PHF12: variants seen among roughly 807,000 people sequenced by gnomAD.
PHF12 encodes PHD finger protein 12.
A neutral mutation model predicts 99.8 loss-of-function variants in PHF12; 6 were observed. The ratio of observed to expected loss-of-function variants is 0.06; its 90% confidence interval spans 0.03 to 0.12. The LOEUF (loss-of-function observed/expected upper bound fraction) is 0.12. PHF12 is among the 10% of genes least tolerant of loss of function. PHF12 has a pLI of 1.00. For missense variants in PHF12, 954 were observed against 1,300.1 expected, an observed-to-expected ratio of 0.73 and a Z score of 4.09; for synonymous variants, 480 against 514.9, an observed-to-expected ratio of 0.93 and a Z score of 0.92.
In PHF12 at chr17:28,951,398, C is replaced by A; in HGVS notation, c.-438G>T. 1 of 988,166 alleles carries A rather than the reference C, an allele frequency of 1.0e-6. No individual in the cohort carries two copies. The highest frequency in any genetic ancestry group is 1.2e-6 in the Non-Finnish European group (1 of 831,718). The allele number at this position is 988,166 out of a possible 1,614,324, so 61.2% of individuals were successfully genotyped here. On this transcript the variant is annotated 5_prime_UTR_variant, in exon 1 of 15. Coordinates refer to ENST00000332830, the MANE Select transcript of PHF12 (RefSeq NM_001033561.2). ...TGGGGGGAGGGTGATGGGGGGTGGTCCCCGGGCTCCGCCTCTCGCCGCCGC... is the reference window on the plus strand; with the variant it reads ...TGGGGGGAGGGTGATGGGGGGTGGTACCCGGGCTCCGCCTCTCGCCGCCGC...
At chr17:28,911,810 G>A (rs771925186) in intron 9 of PHF12, among the ~76,000 whole-genome samples, 1 of 152,166 alleles carries the variant, frequency 6.6e-6, no homozygotes, top group Non-Finnish European at 1.5e-5. Flanking sequence ...TTCAGATGCT[G>A]GGGTCAGCAA....
chr17:28,938,128 G>A (rs1160348422), intron 2 of PHF12, among the ~76,000 whole-genome samples: 1 of 152,186 alleles, frequency 6.6e-6, no homozygotes, highest in Non-Finnish European at 1.5e-5. Flanking sequence ...AGGAATGTGG[G>A]CCAGTTTACA....
intron 2 of PHF12, among the ~76,000 whole-genome samples, chr17:28,935,300 C>T (rs1009139182): frequency 2.0e-5 from 3 of 152,062 alleles, no homozygotes; most frequent in African/African-American, 4.8e-5. Flanking sequence ...GAGATGGAGC[C>T]TCACTCTGTC....
chr17:28,914,064 G>T (rs543634316), intron 7 of PHF12, 27 bp from the exon 8 acceptor site: 2 of 1,575,166 alleles, frequency 1.3e-6, no homozygotes, highest in Admixed American at 1.7e-5. Context: ...GAAGGAGGAA[G>T]GAGAGGGAGA....
At chr17:28,919,030 A>C (rs1412473208) in intron 6 of PHF12, 113 bp downstream of exon 6, 1 of 1,357,444 alleles carries the variant, frequency 7.4e-7, no homozygotes, top group Non-Finnish European at 1.0e-6. Context: ...AGAAACCAGT[A>C]CCTATGACAA....
At chr17:28,912,020 C>CA in intron 9 of PHF12, 1 of 899,940 alleles carries the variant, frequency 1.1e-6, no homozygotes, top group Non-Finnish European at 1.3e-6. Context: ...CATGGAAGTT[C>CA]ATCAGATTAA....
At chr17:28,935,240 C>T (rs1438703903) in intron 2 of PHF12, among the ~76,000 whole-genome samples, 5 of 152,162 alleles carry the variant, frequency 3.3e-5, no homozygotes, top group Non-Finnish European at 7.4e-5. Context: ...CGACCGTTCA[C>T]TGCTTTTACA....
Position 28,906,210 on chromosome 17 carries a change from A to G in PHF12, c.2988T>C (p.Pro996=). ...EKLSLKPHQG[P]VLRSNSVP ...AAGGAACAGAGTTGGAGCGCAGCACAGGGCCCTGGTGGGGCTTGAGAGAGA... is the reference window on the plus strand; with the variant it reads ...AAGGAACAGAGTTGGAGCGCAGCACGGGGCCCTGGTGGGGCTTGAGAGAGA... The change falls in exon 15 of 15, where the codon CCT becomes CCC. Residue 996 remains proline, a synonymous_variant. Transcript: ENST00000332830. This position sits in a 1 kb window ranked among gnomAD's most constrained non-coding sequence, Gnocchi z 4.2. 1 of 1,606,452 alleles carries G rather than the reference A, an allele frequency of 6.2e-7. No individual in the cohort carries two copies. Among genetic ancestry groups the G allele is most frequent in the Non-Finnish European group, 8.5e-7 (1 of 1,174,454 alleles).
At chr17:28,929,504 CA>C (rs1324364440) in intron 2 of PHF12, among the ~76,000 whole-genome samples, 2 of 152,178 alleles carry the variant, frequency 1.3e-5, no homozygotes, top group African/African-American at 2.4e-5. Flanking sequence ...CTCGGCCTCC[CA>C]AAGTGCTGGG....
Position 28,940,409 on chromosome 17 carries a change from G to C in PHF12, c.248+9656C>G, listed in dbSNP as rs1483966235. ...AGCAAAAGGGACTCACTCTCTGAGT[G>C]AGCAAGTCAAGTTTTTCATTACTTT... On this transcript the variant is annotated intron_variant, in intron 2 of 14. Transcript: ENST00000332830. Among the ~76,000 whole-genome samples the C allele has an allele frequency of 2.0e-5, 3 of 152,218 alleles. No homozygotes were observed. The South Asian group carries it at 6.2e-4, about 32-fold the overall frequency.
At chr17:28,927,540 A>G (rs943157647) in intron 2 of PHF12, among the ~76,000 whole-genome samples, 1 of 152,116 alleles carries the variant, frequency 6.6e-6, no homozygotes, top group Non-Finnish European at 1.5e-5. Flanking sequence ...ATCCTTTCAT[A>G]CCTGCCTCAA....
chr17:28,949,957 G>T lies in PHF12; in HGVS notation c.248+108C>A, dbSNP rs2040779927. On this transcript the variant is annotated intron_variant, in intron 2 of 14. Transcript: ENST00000332830. The surrounding 1 kb of genome is among the most constrained non-coding windows in gnomAD (Gnocchi z 4.6). ...TCGCCCCGGCAGCTGCAGAAAGTCA[G>T]CTAGCGGCTGCAAGCGCCCGTTATT... 1 of 1,308,462 alleles carries T rather than the reference G, an allele frequency of 7.6e-7. No individual in the cohort carries two copies. Among genetic ancestry groups the T allele is most frequent in the South Asian group, 1.4e-5 (1 of 69,354 alleles). The allele number at this position is 1,308,462 out of a possible 1,614,324, so 81.1% of individuals were successfully genotyped here.
intron 2 of PHF12, among the ~76,000 whole-genome samples, chr17:28,935,376 A>AT (rs1182384208): frequency 1.3e-5 from 2 of 152,098 alleles, no homozygotes; most frequent in African/African-American, 2.4e-5. Flanking sequence ...GGTTCAAGAG[A>AT]TTGTTGTGCC....
intron 2 of PHF12, 135 bp from the exon 3 acceptor site, chr17:28,927,198 A>C: frequency 2.7e-6 from 2 of 732,634 alleles, no homozygotes; most frequent in Non-Finnish European, 4.5e-6. Context: ...CTCCTCCAAA[A>C]TGCCTAAGTC....
intron 7 of PHF12, among the ~76,000 whole-genome samples, chr17:28,914,671 C>CAAAAAAAAAAAAA (rs61203588): frequency 6.6e-5 from 2 of 30,344 alleles, no homozygotes; most frequent in African/African-American, 1.9e-4. Context: ...GACTCCGTCT[C>CAAAAAAAAAAAAA]AAAAAAAAAA....
At chr17:28,943,764 A>C (rs1426603585) in intron 2 of PHF12, among the ~76,000 whole-genome samples, 1 of 147,614 alleles carries the variant, frequency 6.8e-6, no homozygotes, top group Non-Finnish European at 1.5e-5. Context: ...ATGAACTAAT[A>C]AATAAAATGT....
Position 28,911,118 on chromosome 17 carries a change from T to G in PHF12, c.2209A>C (p.Asn737His). The G allele has an allele frequency of 1.2e-6, 2 of 1,614,072 alleles. No homozygotes were observed. Among genetic ancestry groups the G allele is most frequent in the Non-Finnish European group, 1.7e-6 (2 of 1,179,998 alleles). ...TNSLRAFMDV[N>H]GEIEINMLDE... The stretch of plus-strand genomic sequence containing the variant: ...CAGCAGCTCATTCACTCACCTCCAT[T>G]GACATCCATAAATGCTCGAAGTGAG... The change falls in exon 10 of 15, where the codon AAT becomes CAT. Residue 737 changes from asparagine (N) to histidine (H), a missense_variant. By Grantham distance (68) the Asn-to-His change is moderately conservative. Transcript: ENST00000332830.
rs368959553 is a variant in PHF12 at position 28,912,492 on chromosome 17, C to T, written c.2079G>A (p.Ala693=). The T allele has an allele frequency of 1.5e-5, 24 of 1,596,104 alleles. No individual in the cohort carries two copies. In the African/African-American group the frequency reaches 2.3e-4, roughly 15 times the overall value. ...TTANQRFSSP[A]PSSDGKVSPG... ...CTGAGCAGCACTCACCTGACGATGG[C>T]GCTGGTGAGCTGAATCGTTGGTTGG... Residue 693 remains alanine, a synonymous_variant, in exon 9 of 15, where the codon GCG becomes GCA. Transcript: ENST00000332830.
At chr17:28,939,981 A>G (rs1054457775) in intron 2 of PHF12, among the ~76,000 whole-genome samples, 5 of 152,256 alleles carry the variant, frequency 3.3e-5, no homozygotes, top group Admixed American at 2.6e-4. Context: ...CTGACGCTAC[A>G]TTCAGGCACG....
Sources: gnomAD v4.1 joint callset for allele counts (sites outside exome capture counted in the v4.1 genomes callset) on GRCh38, gnomAD v4.1.1 for gene constraint, Gnocchi (gnomAD v3.1) non-coding constraint, MANE v1.5 for transcripts, NCBI Gene and HGNC (gene_info 2026-07-23, HGNC 2026-07-21) for gene names.